Variants in ST8SIA4 observed in about 807,000 individuals in gnomAD.
ST8SIA4 encodes the protein CMP-N-acetylneuraminate-poly-alpha-2,8-sialyltransferase.
In ST8SIA4, 15 loss-of-function variants were observed where a neutral mutation model predicts 33.9. The ratio of observed to expected loss-of-function variants is 0.44; its 90% confidence interval spans 0.30 to 0.68. ST8SIA4 has a LOEUF of 0.68. ST8SIA4 is among the 30% of genes least tolerant of loss of function. The pLI is 0.10. For missense variants in ST8SIA4, 321 were observed against 428.0 expected (o/e 0.75, Z 2.21); for synonymous variants, 171 against 151.2 (o/e 1.13, Z -0.96).
At position 100,887,474 on chromosome 5, in the gene ST8SIA4, G is replaced by C. The variant is rs558890645; in HGVS notation, c.246-874C>G. 8.6e-4 allele frequency among the ~76,000 whole-genome samples: 131 copies of C among 152,102 alleles called. 1 individual carries two copies. Among genetic ancestry groups the C allele is most frequent in the Non-Finnish European group, 1.5e-3 (105 of 67,910 alleles). ...TGAGAAATAAAGAAATTTCCTACTT[G>C]TTTGGCCACTAAATTTTAAGGTTAC... is the stretch of plus-strand genomic sequence containing the variant. On this transcript the variant is annotated intron_variant, in intron 2 of 4. Coordinates refer to ENST00000231461, the MANE Select transcript of ST8SIA4 (RefSeq NM_005668.6).
intron 2 of ST8SIA4, among the ~76,000 whole-genome samples, chr5:100,887,612 T>A (rs1399949924): frequency 2.0e-5 from 3 of 151,818 alleles, no homozygotes; most frequent in Non-Finnish European, 4.4e-5. Flanking sequence ...TGATGGAAAA[T>A]GATTATAATA....
In ST8SIA4 at chr5:100,834,903, CT is replaced by C. The variant is rs144954513; in HGVS notation, c.797+21199del. ...GCAGAACCATGAACCAATTAAATCC[CT>C]TTTATTTATAAATTACCCAGCCTCA... is the stretch of plus-strand genomic sequence containing the variant. On this transcript the variant is annotated intron_variant, in intron 4 of 4. Coordinates refer to ENST00000231461, the MANE Select transcript of ST8SIA4 (RefSeq NM_005668.6). Among the ~76,000 whole-genome samples, 225 of 152,198 alleles carry C rather than the reference CT, an allele frequency of 1.5e-3. 3 individuals carry two copies. The East Asian group carries it at 0.041, about 28-fold the overall frequency.
chr5:100,863,617 A>G (rs1298608100), intron 3 of ST8SIA4, among the ~76,000 whole-genome samples: 1 of 152,220 alleles, frequency 6.6e-6, no homozygotes, highest in African/African-American at 2.4e-5. Flanking sequence ...ACAACTACAC[A>G]TAAACAAATG....
At chr5:100,847,830 A>G (rs1751600227) in intron 4 of ST8SIA4, among the ~76,000 whole-genome samples, 2 of 152,078 alleles carry the variant, frequency 1.3e-5, no homozygotes, top group South Asian at 4.1e-4. Flanking sequence ...TGTGGTGTAA[A>G]GTACGGGCAC....
At chr5:100,819,033 G>A (rs889933239) in intron 4 of ST8SIA4, among the ~76,000 whole-genome samples, 16 of 152,080 alleles carry the variant, frequency 1.1e-4, no homozygotes, top group Admixed American at 7.2e-4. Flanking sequence ...TAGTGAATAC[G>A]TAACTCTCAT....
At chr5:100,875,103 T>G (rs1022001596) in intron 3 of ST8SIA4, among the ~76,000 whole-genome samples, 1 of 152,204 alleles carries the variant, frequency 6.6e-6, no homozygotes, top group African/African-American at 2.4e-5. Context: ...AGATATGTAC[T>G]AGACAATCCC....
At chr5:100,865,958 C>T (rs1561399367) in intron 3 of ST8SIA4, among the ~76,000 whole-genome samples, 1 of 152,068 alleles carries the variant, frequency 6.6e-6, no homozygotes, top group Non-Finnish European at 1.5e-5. Context: ...ATGAGACTTC[C>T]TGTGAATGAA....
intron 4 of ST8SIA4, among the ~76,000 whole-genome samples, chr5:100,825,458 A>G (rs1411933424): frequency 1.3e-5 from 2 of 152,224 alleles, no homozygotes; most frequent in East Asian, 1.9e-4. Flanking sequence ...CATTTTTGTT[A>G]TCAAATTCTG....
intron 4 of ST8SIA4, among the ~76,000 whole-genome samples, chr5:100,829,728 T>A (rs1751212739): frequency 6.6e-6 from 1 of 151,912 alleles, no homozygotes; most frequent in Admixed American, 6.6e-5. Context: ...GCTAACACGG[T>A]GAAACCCCGT....
chr5:100,859,509 A>G (rs1294467820), intron 3 of ST8SIA4, among the ~76,000 whole-genome samples: 1 of 152,086 alleles, frequency 6.6e-6, no homozygotes, highest in Non-Finnish European at 1.5e-5. Context: ...TGTATTAACA[A>G]TACTCTTTAT....
At chr5:100,882,271 G>A (rs1479888555) in intron 3 of ST8SIA4, among the ~76,000 whole-genome samples, 4 of 152,176 alleles carry the variant, frequency 2.6e-5, no homozygotes, top group Non-Finnish European at 5.9e-5. Flanking sequence ...CTCTTTTTAT[G>A]TTTTAGCAAA....
chr5:100,829,621 A>G (rs879608395), intron 4 of ST8SIA4, among the ~76,000 whole-genome samples: 1 of 152,182 alleles, frequency 6.6e-6, no homozygotes, highest in African/African-American at 2.4e-5. Context: ...TAGAATTACT[A>G]CATGTCGGCC....
At chr5:100,848,964 G>T (rs1468928581) in intron 4 of ST8SIA4, 2 of 208,636 alleles carry the variant, frequency 9.6e-6, no homozygotes, top group African/African-American at 2.4e-5. Flanking sequence ...TTCTTCTGCT[G>T]TCAAGTAAAC....
Position 100,903,257 on chromosome 5 carries a change from C to G in ST8SIA4, c.-302G>C. On this transcript the variant is annotated 5_prime_UTR_variant, in exon 1 of 5. Transcript: ENST00000231461. ...CCTTGTGCATTGGAGGTGGCGGCAG[C>G]TTCTGCAGCTGGGTTCGGGGGCGTC... The G allele has an allele frequency of 2.7e-6, 1 of 368,352 alleles. No homozygotes were observed. The highest frequency in any genetic ancestry group is 2.1e-5 in the African/African-American group (1 of 47,746). The allele number at this position is 368,352 out of a possible 1,614,324, so 22.8% of individuals were successfully genotyped here. A position where few individuals can be genotyped will look rare whatever the true frequency, so the allele number is the denominator to read the frequency against.
At chr5:100,862,513 C>T (rs945172577) in intron 3 of ST8SIA4, among the ~76,000 whole-genome samples, 19 of 152,056 alleles carry the variant, frequency 1.2e-4, no homozygotes, top group Non-Finnish European at 1.9e-4. Flanking sequence ...ATTCTCCTGC[C>T]TCAGCCTCCT....
chr5:100,886,273 AAC>A, intron 3 of ST8SIA4, 68 bp downstream of exon 3: 1 of 1,552,696 alleles, frequency 6.4e-7, no homozygotes. Flanking sequence ...AAAATTTTCT[AAC>A]AGTTTTCCAC....
intron 3 of ST8SIA4, among the ~76,000 whole-genome samples, chr5:100,863,668 C>T (rs990917148): frequency 2.0e-5 from 3 of 152,088 alleles, no homozygotes; most frequent in African/African-American, 4.8e-5. Context: ...CATTGGAACT[C>T]AAGTCTTGAA....
chr5:100,871,573 A>G (rs1187042096), intron 3 of ST8SIA4, among the ~76,000 whole-genome samples: 3 of 152,064 alleles, frequency 2.0e-5, no homozygotes, highest in Non-Finnish European at 2.9e-5. Flanking sequence ...AACTTTACAT[A>G]TGTTTGATAA....
At position 100,811,673 on chromosome 5, in the gene ST8SIA4, T is replaced by C. The variant is rs1048354457; in HGVS notation, c.*174A>G. 4.2e-5 allele frequency: 27 copies of C among 645,902 alleles called. No homozygotes were observed. The highest frequency in any genetic ancestry group is 6.7e-5 in the Non-Finnish European group (26 of 385,562). The allele number at this position is 645,902 out of a possible 1,614,324, so 40.0% of individuals were successfully genotyped here. ...CCTTAAAGTCAAAATATTTAATTTT[T>C]AGAGCACTTTGCAGGTATTTCATCA... On this transcript the variant is annotated 3_prime_UTR_variant, in exon 5 of 5. Coordinates refer to ENST00000231461, the MANE Select transcript of ST8SIA4 (RefSeq NM_005668.6).
Sources: allele counts gnomAD v4.1 joint callset (sites outside exome capture counted in the v4.1 genomes callset), GRCh38; gene constraint gnomAD v4.1.1; transcripts MANE v1.5; gene names NCBI Gene and HGNC (gene_info 2026-07-23, HGNC 2026-07-21).